Variants in LMTK2 observed in about 807,000 individuals in gnomAD.
LMTK2 encodes lemur tail kinase 2.
Under a neutral mutation model 127.5 loss-of-function variants are expected in LMTK2, and 37 were observed. The ratio of observed to expected loss-of-function variants is 0.29; its 90% CI spans 0.22 to 0.38. LMTK2 has a LOEUF of 0.38. LMTK2 is among the 10% of genes least tolerant of loss of function. The pLI is 1.00. For missense variants in LMTK2, 1,694 were observed against 1,920.3 expected (o/e 0.88, Z 2.20); for synonymous variants, 819 against 810.1 (o/e 1.01, Z -0.19).
At chr7:98,131,919 G>A (rs900065542) in intron 1 of LMTK2, among the ~76,000 whole-genome samples, 1 of 152,124 alleles carries the variant, frequency 6.6e-6, no homozygotes, top group Non-Finnish European at 1.5e-5. Context: ...TTCCTGAACC[G>A]AGGTCTTTAC....
At chr7:98,130,605 G>A (rs777767829) in intron 1 of LMTK2, among the ~76,000 whole-genome samples, 59 of 152,322 alleles carry the variant, frequency 3.9e-4, no homozygotes, top group Admixed American at 9.1e-4. Context: ...ATGCGGTCAT[G>A]AGGGTGGGCC....
intron 1 of LMTK2, among the ~76,000 whole-genome samples, chr7:98,112,036 G>A (rs1297190481): frequency 6.6e-6 from 1 of 152,190 alleles, no homozygotes; most frequent in Non-Finnish European, 1.5e-5. Context: ...TTATTTAAAG[G>A]AATCATGAGC....
At chr7:98,151,152 G>GA (rs1246430489) in intron 3 of LMTK2, among the ~76,000 whole-genome samples, 2 of 151,582 alleles carry the variant, frequency 1.3e-5, no homozygotes, top group African/African-American at 4.8e-5. Flanking sequence ...AGCTGGATCG[G>GA]AAAAAAAACA....
rs369721658 is a variant in LMTK2 at position 98,205,705 on chromosome 7, G to T, written c.*213G>T. The T allele has an allele frequency of 4.9e-6, 3 of 606,718 alleles. No homozygotes were observed. Among genetic ancestry groups the T allele is most frequent in the East Asian group, 2.8e-5 (1 of 35,886 alleles). 37.6% of individuals were successfully genotyped at this position (606,718 alleles called of 1,614,324 possible). On this transcript the variant is annotated 3_prime_UTR_variant, in exon 14 of 14. Coordinates refer to ENST00000297293, the MANE Select transcript of LMTK2 (RefSeq NM_014916.4). ...AGCGAGGCCGTGTCCAGGAGCCGGC[G>T]TCCCTCAGTGCCCCGTGCACCCGCG...
At chr7:98,186,061 CTTTT>C (rs368390468) in intron 8 of LMTK2, among the ~76,000 whole-genome samples, 1 of 144,810 alleles carries the variant, frequency 6.9e-6, no homozygotes, top group African/African-American at 2.5e-5. Context: ...TGCATCATCT[CTTTT>C]TTTTTTTTTT....
chr7:98,140,451 T>C (rs1223010377), intron 2 of LMTK2, among the ~76,000 whole-genome samples: 1 of 152,168 alleles, frequency 6.6e-6, no homozygotes, highest in Non-Finnish European at 1.5e-5. Flanking sequence ...TTTGCCTGCC[T>C]GCATCCTCAG....
chr7:98,195,175 G>A (rs1044499914), intron 11 of LMTK2, among the ~76,000 whole-genome samples: 1 of 152,170 alleles, frequency 6.6e-6, no homozygotes, highest in Non-Finnish European at 1.5e-5. Flanking sequence ...GAGCCACTGC[G>A]CTTGGCCTCC....
chr7:98,134,585 T>G (rs141048401), intron 1 of LMTK2, among the ~76,000 whole-genome samples: 1 of 150,360 alleles, frequency 6.7e-6, no homozygotes, highest in African/African-American at 2.5e-5. Flanking sequence ...GAGGCTGAAG[T>G]GGGTGGCGCA....
intron 6 of LMTK2, among the ~76,000 whole-genome samples, chr7:98,168,267 C>T (rs557136472): frequency 1.2e-4 from 19 of 152,218 alleles, no homozygotes; most frequent in African/African-American, 4.3e-4. Flanking sequence ...AGGCACAAGA[C>T]GAAGAATCCA....
intron 5 of LMTK2, 116 bp downstream of exon 5, chr7:98,154,992 G>A (rs1796907410): frequency 1.5e-6 from 1 of 649,192 alleles, no homozygotes; most frequent in South Asian, 1.9e-5. Flanking sequence ...TAAGTTCCAA[G>A]GTCTCATAAG....
intron 1 of LMTK2, among the ~76,000 whole-genome samples, chr7:98,109,869 T>G (rs1796174982): frequency 6.6e-6 from 1 of 151,982 alleles, no homozygotes; most frequent in Non-Finnish European, 1.5e-5. Context: ...CCAAGATATA[T>G]TAGACCAAGT....
intron 1 of LMTK2, among the ~76,000 whole-genome samples, chr7:98,109,403 G>A (rs923711435): frequency 1.3e-5 from 2 of 151,884 alleles, no homozygotes; most frequent in East Asian, 1.9e-4. Context: ...ATGTTTTGAC[G>A]TGTTGCATAT....
rs1797572000 is a variant in LMTK2, at chr7:98,193,606, T to C, written c.3141T>C (p.Ala1047=). The C allele has an allele frequency of 6.2e-7, 1 of 1,613,668 alleles. No individual in the cohort carries two copies. The highest frequency in any genetic ancestry group is 8.5e-7 in the Non-Finnish European group (1 of 1,179,988). The change falls in exon 11 of 14, where the codon GCT becomes GCC. Residue 1047 remains alanine, a synonymous_variant. Coordinates refer to ENST00000297293, the MANE Select transcript of LMTK2 (RefSeq NM_014916.4). The surrounding 1 kb of genome is among the most constrained non-coding windows in gnomAD (Gnocchi z 4.1). ...LESPEWTLHP[A]PEGTADSEPA... Reference sequence around the variant, plus strand: ...CTCCCGAGTGGACCTTGCATCCCGCTCCCGAGGGCACCGCAGACTCAGAAC... The same window carrying C: ...CTCCCGAGTGGACCTTGCATCCCGCCCCCGAGGGCACCGCAGACTCAGAAC...
At chr7:98,152,184 C>T (rs568927185) in intron 4 of LMTK2, among the ~76,000 whole-genome samples, 4 of 152,266 alleles carry the variant, frequency 2.6e-5, no homozygotes, top group African/African-American at 7.2e-5. Flanking sequence ...AACTAGTCTT[C>T]TCTCATAGCC....
chr7:98,129,800 C>G (rs1796496730), intron 1 of LMTK2, among the ~76,000 whole-genome samples: 1 of 151,986 alleles, frequency 6.6e-6, no homozygotes, highest in Admixed American at 6.6e-5. Context: ...ACTTTTTTCC[C>G]TTTTTCTTAC....
chr7:98,196,548 G>A (rs1400301734), intron 11 of LMTK2, among the ~76,000 whole-genome samples: 2 of 152,200 alleles, frequency 1.3e-5, no homozygotes, highest in Non-Finnish European at 2.9e-5. Flanking sequence ...GCGGTTAGGA[G>A]CTAGGGAGCA....
intron 11 of LMTK2, among the ~76,000 whole-genome samples, chr7:98,201,767 G>A (rs751520406): frequency 4.6e-5 from 7 of 152,056 alleles, no homozygotes; most frequent in African/African-American, 7.2e-5. Flanking sequence ...GCACCACCAC[G>A]CCTAGCTAAT....
At position 98,194,118 on chromosome 7, in the gene LMTK2, A is replaced by C. The variant is rs1481038434; in HGVS notation, c.3653A>C (p.Gln1218Pro). 8 of 1,614,114 alleles carry C rather than the reference A, an allele frequency of 5.0e-6. 1 individual carries two copies. The South Asian group carries it at 6.6e-5, about 13-fold the overall frequency. ...ELSSGDDFET[Q>P]DDRPCTLAST... The stretch of plus-strand genomic sequence containing the variant: ...AGCAGCGGCGATGACTTCGAGACAC[A>C]GGACGATCGCCCCTGCACCCTCGCT... The change falls in exon 11 of 14, where the codon CAG becomes CCG. Residue 1218 changes from glutamine to proline, a missense_variant. Coordinates refer to ENST00000297293, the MANE Select transcript of LMTK2 (RefSeq NM_014916.4). The surrounding 1 kb of genome is among the most constrained non-coding windows in gnomAD (Gnocchi z 5.4).
At chr7:98,115,537 C>T (rs769580493) in intron 1 of LMTK2, among the ~76,000 whole-genome samples, 7 of 152,082 alleles carry the variant, frequency 4.6e-5, no homozygotes, top group South Asian at 2.1e-4. Context: ...GGGCCGGGTG[C>T]TGTGGCTCAC....
Sources: allele counts gnomAD v4.1 joint callset (sites outside exome capture counted in the v4.1 genomes callset), GRCh38; gene constraint gnomAD v4.1.1; non-coding constraint Gnocchi (gnomAD v3.1); transcripts MANE v1.5; gene names NCBI Gene and HGNC (gene_info 2026-07-23, HGNC 2026-07-21).